NCKAP1: variants seen among roughly 807,000 people sequenced by gnomAD.
NCKAP1 encodes the protein NCK associated protein 1, also known as nck-associated protein 1.
A neutral mutation model predicts 151.2 loss-of-function variants in NCKAP1; 21 were observed. The observed-to-expected ratio is 0.14, with a 90% CI of 0.10 to 0.20. The LOEUF is 0.20. NCKAP1 is among the 10% of genes least tolerant of loss of function. The pLI, the probability that NCKAP1 is intolerant of heterozygous loss-of-function variation, is 1.00. For missense variants in NCKAP1, 933 were observed against 1,352.1 expected, an observed-to-expected ratio of 0.69 and a Z score of 4.86; for synonymous variants, 484 against 451.8, an observed-to-expected ratio of 1.07 and a Z score of -0.90.
chr2:182,927,001 A>G, intron 29 of NCKAP1, 96 bp from the exon 30 acceptor site: 1 of 763,240 alleles, frequency 1.3e-6, no homozygotes, highest in Non-Finnish European at 2.2e-6. Flanking sequence ...CATTTCAATC[A>G]TTCAGTGCTA....
intron 2 of NCKAP1, among the ~76,000 whole-genome samples, chr2:183,020,550 T>C (rs538088822): frequency 5.3e-5 from 8 of 151,428 alleles, no homozygotes; most frequent in Non-Finnish European, 7.4e-5. Flanking sequence ...TTTTCTGAAA[T>C]TGGGGGACAT....
chr2:183,034,550 A>G (rs535760617), intron 1 of NCKAP1, among the ~76,000 whole-genome samples: 228 of 152,290 alleles, frequency 1.5e-3, no homozygotes, highest in African/African-American at 5.3e-3. Context: ...TAAACCACAC[A>G]CACAAAAATT....
Position 182,921,244 on chromosome 2 carries a change from G to A in NCKAP1, c.*4458C>T, listed in dbSNP as rs1167003456. ...CTGCACTGCATTAAATTTAAAAAAT[G>A]AGCTTTAATAAAATTACAGTAAATT... On this transcript the variant is annotated 3_prime_UTR_variant, in exon 31 of 31. Coordinates refer to ENST00000361354, the MANE Select transcript of NCKAP1 (RefSeq NM_013436.5). The A allele has an allele frequency of 2.0e-5, 3 of 152,120 alleles. No homozygotes were observed. The highest frequency in any genetic ancestry group is 6.5e-5 in the Admixed American group (1 of 15,276). 9.4% of individuals were successfully genotyped at this position (152,120 alleles called of 1,614,324 possible).
intron 1 of NCKAP1, among the ~76,000 whole-genome samples, chr2:183,029,628 CTTGGG>C (rs2105898902): frequency 6.6e-6 from 1 of 151,910 alleles, no homozygotes; most frequent in South Asian, 2.1e-4. Flanking sequence ...TTGAGACCAC[CTTGGG>C]CAAGAGGGAG....
At chr2:182,957,859 AT>A (rs1697357629) in intron 18 of NCKAP1, among the ~76,000 whole-genome samples, 1 of 152,202 alleles carries the variant, frequency 6.6e-6, no homozygotes, top group African/African-American at 2.4e-5. Flanking sequence ...GCTTATTTAA[AT>A]TACTATTAAA....
chr2:183,002,813 G>C (rs956387456), intron 4 of NCKAP1, among the ~76,000 whole-genome samples, 161 bp downstream of exon 4: 1 of 151,728 alleles, frequency 6.6e-6, no homozygotes, highest in Admixed American at 6.6e-5. Flanking sequence ...CAAATAAAAA[G>C]AATACACACT....
At chr2:183,020,739 T>C (rs968310355) in intron 2 of NCKAP1, among the ~76,000 whole-genome samples, 2 of 152,168 alleles carry the variant, frequency 1.3e-5, no homozygotes, top group Admixed American at 1.3e-4. Flanking sequence ...GCCAGAAATC[T>C]GCAACCTCCT....
chr2:182,966,789 T>A (rs1032703780), intron 16 of NCKAP1, among the ~76,000 whole-genome samples: 1 of 151,994 alleles, frequency 6.6e-6, no homozygotes, highest in African/African-American at 2.4e-5. Flanking sequence ...ATGCAGGAGG[T>A]AGTCACCACA....
intron 23 of NCKAP1, among the ~76,000 whole-genome samples, chr2:182,948,466 T>C (rs1192553722): frequency 6.6e-6 from 1 of 152,130 alleles, no homozygotes; most frequent in Non-Finnish European, 1.5e-5. Context: ...CACTCCAAAA[T>C]ATAAGAGAGA....
intron 1 of NCKAP1, among the ~76,000 whole-genome samples, chr2:183,030,537 A>C: frequency 6.6e-6 from 1 of 152,222 alleles, no homozygotes; most frequent in East Asian, 1.9e-4. Context: ...GAGGGCACAG[A>C]AACCAGCCCC....
chr2:182,994,502 G>C (rs1356564042), intron 8 of NCKAP1, among the ~76,000 whole-genome samples: 1 of 152,084 alleles, frequency 6.6e-6, no homozygotes, highest in Non-Finnish European at 1.5e-5. Flanking sequence ...AGCCAGGCAT[G>C]GTAGCGTGTG....
In NCKAP1 at chr2:182,926,044, T is replaced by A. The variant is rs116070065; in HGVS notation, c.3271-226A>T. On this transcript the variant is annotated intron_variant, in intron 30 of 30. Coordinates refer to ENST00000361354, the MANE Select transcript of NCKAP1 (RefSeq NM_013436.5). ...CTGTTTAAAAAGAGCTACTTTTCAATTAAATTTATTTAATCAACAGGAATA... is the reference window on the plus strand; with the variant it reads ...CTGTTTAAAAAGAGCTACTTTTCAAATAAATTTATTTAATCAACAGGAATA... Among the ~76,000 whole-genome samples, 1,015 of 152,166 alleles carry A rather than the reference T, an allele frequency of 6.7e-3. 8 individuals are homozygous for A. The highest frequency in any genetic ancestry group is 0.023 in the African/African-American group (935 of 41,542).
chr2:183,004,236 G>T (rs964795081), intron 2 of NCKAP1, among the ~76,000 whole-genome samples: 2 of 152,078 alleles, frequency 1.3e-5, no homozygotes, highest in African/African-American at 4.8e-5. Context: ...AAATGTGTGA[G>T]AAGTTTATTC....
intron 1 of NCKAP1, among the ~76,000 whole-genome samples, chr2:183,034,935 A>T (rs1699074339): frequency 6.6e-6 from 1 of 152,098 alleles, no homozygotes; most frequent in African/African-American, 2.4e-5. Context: ...ATGTTAGAGA[A>T]CTCTCAGTGA....
chr2:182,995,253 TACTC>T (rs1698245920), intron 7 of NCKAP1, among the ~76,000 whole-genome samples: 1 of 152,234 alleles, frequency 6.6e-6, no homozygotes, highest in Non-Finnish European at 1.5e-5. Flanking sequence ...TGTGTCTGAA[TACTC>T]ACTGTCTCAC....
At chr2:183,025,382 T>C (rs576301548) in intron 1 of NCKAP1, among the ~76,000 whole-genome samples, 1 of 152,294 alleles carries the variant, frequency 6.6e-6, no homozygotes, top group African/African-American at 2.4e-5. Context: ...AAAAATAAAT[T>C]GTTATTGGAT....
At chr2:183,007,911 T>C (rs1698510784) in intron 2 of NCKAP1, among the ~76,000 whole-genome samples, 2 of 152,054 alleles carry the variant, frequency 1.3e-5, no homozygotes, top group African/African-American at 4.8e-5. Context: ...AGCAGCACAG[T>C]GAATGTTTTT....
At chr2:182,951,435 G>A (rs1312764846) in intron 23 of NCKAP1, among the ~76,000 whole-genome samples, 1 of 151,346 alleles carries the variant, frequency 6.6e-6, no homozygotes, top group Non-Finnish European at 1.5e-5. Context: ...TTGGGAGGCC[G>A]AGGTGGGTGG....
At chr2:182,972,581 G>T (rs1006080100) in intron 15 of NCKAP1, among the ~76,000 whole-genome samples, 4 of 152,074 alleles carry the variant, frequency 2.6e-5, no homozygotes, top group Non-Finnish European at 5.9e-5. Context: ...CAAAAGAGAG[G>T]AAATCAACAT....
Sources: allele counts gnomAD v4.1 joint callset (sites outside exome capture counted in the v4.1 genomes callset), GRCh38; gene constraint gnomAD v4.1.1; transcripts MANE v1.5; gene names NCBI Gene and HGNC (gene_info 2026-07-23, HGNC 2026-07-21).